The following EYS variants were observed in gnomAD, a reference collection of about 807,000 sequenced individuals.
The protein encoded by EYS is protein eyes shut homolog.
A neutral mutation model predicts 282.1 loss-of-function variants in EYS; 250 were observed. The observed-to-expected ratio is 0.89, with a 90% CI of 0.80 to 0.98. The LOEUF (loss-of-function observed/expected upper bound fraction) is 0.98. Among genes scored for constraint, EYS ranks in the 50% least tolerant of loss-of-function variants. The pLI is 0.00. For missense variants in EYS, 4,016 were observed against 3,709.0 expected, an observed-to-expected ratio of 1.08 and a Z score of -2.15; for synonymous variants, 1,355 against 1,282.9, an observed-to-expected ratio of 1.06 and a Z score of -1.20.
chr6:64,381,771 T>A (rs1772754938), intron 29 of EYS, among the ~76,000 whole-genome samples: 1 of 152,192 alleles, frequency 6.6e-6, no homozygotes, highest in Non-Finnish European at 1.5e-5. Flanking sequence ...AATGCAGATT[T>A]AGAAAAACTA....
intron 5 of EYS, among the ~76,000 whole-genome samples, chr6:65,469,743 C>A (rs1006525082): frequency 3.9e-5 from 6 of 151,950 alleles, no homozygotes; most frequent in African/African-American, 1.4e-4. Flanking sequence ...CAGAGGAATT[C>A]AAACTTCAAC....
Position 65,495,531 on chromosome 6 carries a change from T to A in EYS, c.-121A>T, listed in dbSNP as rs963390874. On this transcript the variant is annotated 5_prime_UTR_variant, in exon 4 of 43. In the 5' UTR this introduces an upstream ATG that the reference lacks. Coordinates refer to ENST00000503581, the MANE Select transcript of EYS (RefSeq NM_001142800.2). ...GGATTCCTGGGAATTGGAATTGACC[T>A]TTTTTCTATACCCAAAGTAGCTTTG... The A allele has an allele frequency of 1.2e-5, 12 of 1,000,418 alleles. No homozygotes were observed. Among genetic ancestry groups the A allele is most frequent in the Non-Finnish European group, 1.7e-5 (11 of 665,884 alleles). The allele number at this position is 1,000,418 out of a possible 1,614,324, so 62.0% of individuals were successfully genotyped here. A position where few individuals can be genotyped will look rare whatever the true frequency, so the allele number is the denominator to read the frequency against.
intron 13 of EYS, among the ~76,000 whole-genome samples, chr6:65,056,986 A>G (rs949196473): frequency 8.6e-5 from 13 of 152,024 alleles, no homozygotes; most frequent in African/African-American, 3.1e-4. Context: ...TTTAAGGTAA[A>G]TAGGTATAAC....
intron 22 of EYS, among the ~76,000 whole-genome samples, chr6:64,710,512 T>C (rs752774883): frequency 2.6e-5 from 4 of 152,234 alleles, no homozygotes; most frequent in African/African-American, 4.8e-5. Context: ...AAACCTGGAA[T>C]TGGGCCCTTG....
intron 35 of EYS, among the ~76,000 whole-genome samples, chr6:63,970,150 G>A (rs781439210): frequency 2.0e-5 from 3 of 152,172 alleles, no homozygotes; most frequent in Non-Finnish European, 4.4e-5. Flanking sequence ...TGACTCCAGG[G>A]CCCTGACACC....
At chr6:65,074,184 C>T (rs1208910233) in intron 12 of EYS, among the ~76,000 whole-genome samples, 1 of 152,064 alleles carries the variant, frequency 6.6e-6, no homozygotes, top group East Asian at 1.9e-4. Context: ...AAATGAAAAA[C>T]AGGTAATTCC....
Position 64,070,173 on chromosome 6 carries a change from CTA to C in EYS, c.6572-3684_6572-3683del, listed in dbSNP as rs1307215539. On this transcript the variant is annotated intron_variant, in intron 32 of 42. Coordinates refer to ENST00000503581, the MANE Select transcript of EYS (RefSeq NM_001142800.2). ...TTAAAGTTTAGTTGCAGTGTGGAAT[CTA>C]AAAGTGTATTAATGAACTTCACGTC... Among the ~76,000 whole-genome samples, 4 of 152,118 alleles carry C rather than the reference CTA, an allele frequency of 2.6e-5. 1 individual carries two copies. In the South Asian group the frequency reaches 8.3e-4, roughly 32 times the overall value.
chr6:64,057,990 C>T (rs983079226), intron 33 of EYS, among the ~76,000 whole-genome samples: 2 of 152,018 alleles, frequency 1.3e-5, no homozygotes, highest in African/African-American at 4.8e-5. Flanking sequence ...CACCATAATA[C>T]CCAGCTAATT....
intron 28 of EYS, among the ~76,000 whole-genome samples, chr6:64,400,587 T>A (rs774847814): frequency 1.3e-5 from 2 of 152,018 alleles, no homozygotes; most frequent in South Asian, 4.1e-4. Flanking sequence ...GCAGAGGCAA[T>A]CTTGTGCTGA....
At chr6:65,148,916 C>T (rs760649125) in intron 12 of EYS, among the ~76,000 whole-genome samples, 28 of 152,032 alleles carry the variant, frequency 1.8e-4, no homozygotes, top group Non-Finnish European at 3.7e-4. Flanking sequence ...TACCTTGGCC[C>T]CTTTTAGCCA....
chr6:65,177,516 T>A (rs1765255524), intron 12 of EYS, among the ~76,000 whole-genome samples: 1 of 151,876 alleles, frequency 6.6e-6, no homozygotes, highest in Non-Finnish European at 1.5e-5. Context: ...CGTTTAGCTA[T>A]ACGATTATGC....
intron 36 of EYS, among the ~76,000 whole-genome samples, chr6:63,841,639 T>C (rs1771962164): frequency 6.6e-6 from 1 of 152,224 alleles, no homozygotes; most frequent in Admixed American, 6.5e-5. Context: ...CTTTAAGTTC[T>C]GGGATACATG....
intron 26 of EYS, among the ~76,000 whole-genome samples, chr6:64,453,983 T>G (rs1274481564): frequency 6.6e-6 from 1 of 152,144 alleles, no homozygotes; most frequent in Non-Finnish European, 1.5e-5. Flanking sequence ...GTTGTGCACA[T>G]GTACCCTAAA....
intron 31 of EYS, among the ~76,000 whole-genome samples, chr6:64,199,317 G>T (rs1399822494): frequency 6.6e-6 from 1 of 152,106 alleles, no homozygotes; most frequent in Admixed American, 6.5e-5. Flanking sequence ...AACCTGATAA[G>T]AACAAGCAAT....
intron 22 of EYS, among the ~76,000 whole-genome samples, chr6:64,684,152 A>G (rs1770001712): frequency 1.3e-5 from 2 of 152,202 alleles, no homozygotes; most frequent in Non-Finnish European, 2.9e-5. Flanking sequence ...CTTGTATTCT[A>G]TACAAGAGAA....
At chr6:63,950,390 G>A (rs556153307) in intron 35 of EYS, among the ~76,000 whole-genome samples, 1 of 151,300 alleles carries the variant, frequency 6.6e-6, no homozygotes, top group South Asian at 2.1e-4. Flanking sequence ...AGCATGTTGT[G>A]ACCCCCGCCC....
At chr6:65,123,544 A>G (rs2150197507) in intron 12 of EYS, among the ~76,000 whole-genome samples, 1 of 152,194 alleles carries the variant, frequency 6.6e-6, no homozygotes, top group East Asian at 1.9e-4. Flanking sequence ...AGTTTGTGAT[A>G]GGAATTCACT....
intron 26 of EYS, among the ~76,000 whole-genome samples, chr6:64,492,469 T>TTTGTTG (rs199757089): frequency 6.6e-6 from 1 of 151,112 alleles, no homozygotes; most frequent in Non-Finnish European, 1.5e-5. Flanking sequence ...GTCCTGTTTT[T>TTTGTTG]TTGTTGTTGT....
intron 12 of EYS, among the ~76,000 whole-genome samples, chr6:65,248,619 AATC>A (rs1479253507): frequency 2.0e-5 from 3 of 152,104 alleles, no homozygotes; most frequent in Non-Finnish European, 4.4e-5. Context: ...GTAGGAAATA[AATC>A]ATCTAGAATA....
Sources: allele counts gnomAD v4.1 joint callset (sites outside exome capture counted in the v4.1 genomes callset), GRCh38; gene constraint gnomAD v4.1.1; transcripts MANE v1.5; gene names NCBI Gene and HGNC (gene_info 2026-07-23, HGNC 2026-07-21).